The following WWC1 variants were observed in gnomAD, a reference collection of about 807,000 sequenced individuals.
WWC1 encodes WW and C2 domain containing 1, also known as protein KIBRA.
Under a neutral mutation model 138.4 loss-of-function variants are expected in WWC1, and 55 were observed. The ratio of observed to expected loss-of-function variants is 0.40; its 90% confidence interval spans 0.32 to 0.50. The LOEUF is 0.50. Among genes scored for constraint, WWC1 ranks in the 20% least tolerant of loss-of-function variants. The pLI is 0.72. For synonymous variants in WWC1, 524 were observed against 564.9 expected, an observed-to-expected ratio of 0.93 and a Z score of 1.03; for missense variants, 1,226 against 1,420.4, an observed-to-expected ratio of 0.86 and a Z score of 2.20.
intron 1 of WWC1, among the ~76,000 whole-genome samples, chr5:168,360,777 T>C (rs1253973651): frequency 6.6e-6 from 1 of 152,188 alleles, no homozygotes; most frequent in African/African-American, 2.4e-5. Context: ...CTCAGAAAAG[T>C]CTTCACGGTC....
At position 168,406,202 on chromosome 5, in the gene WWC1, G is replaced by T. The variant is rs752471215; in HGVS notation, c.595G>T (p.Asp199Tyr). 2 of 1,613,658 alleles carry T rather than the reference G, an allele frequency of 1.2e-6. No homozygotes were observed. Among genetic ancestry groups the T allele is most frequent in the Admixed American group, 1.7e-5 (1 of 59,998 alleles). ...TTCCCATTAACTGTCTCCTAGAATC[G>T]ATAAGAAAATGTCTGATGCTCAGGG... is the stretch of plus-strand genomic sequence containing the variant. ...ERGFQTLKKI[D>Y]KKMSDAQGSY... is the part of the protein sequence containing the mutation. Residue 199 changes from aspartate (D) to tyrosine (Y), a missense_variant, in exon 6 of 23, where the codon GAT (aspartate) becomes TAT (tyrosine). Around this residue, in one of 3 missense-constraint regions of WWC1, gnomAD observed 1,016 missense variants for 1,153.9 expected, o/e 0.88. Transcript: ENST00000265293.
At chr5:168,419,185 C>T (rs1053439517) in intron 9 of WWC1, among the ~76,000 whole-genome samples, 4 of 152,130 alleles carry the variant, frequency 2.6e-5, no homozygotes, top group African/African-American at 4.8e-5. Context: ...TCTCCCAGGC[C>T]CCAGGCTGGG....
At chr5:168,417,200 T>C (rs1780725105) in intron 9 of WWC1, among the ~76,000 whole-genome samples, 1 of 151,180 alleles carries the variant, frequency 6.6e-6, no homozygotes, top group Non-Finnish European at 1.5e-5. Flanking sequence ...CATTTAAGAA[T>C]TTGATGTACA....
At chr5:168,453,874 A>G in intron 17 of WWC1, 94 bp from the exon 18 acceptor site, 1 of 1,564,816 alleles carries the variant, frequency 6.4e-7, no homozygotes, top group Non-Finnish European at 8.6e-7. Flanking sequence ...CAATCATCAA[A>G]AGGATTGGAA....
Position 168,464,602 on chromosome 5 carries a change from A to G in WWC1, c.2917-127A>G. On this transcript the variant is annotated intron_variant, in intron 20 of 22. Transcript: ENST00000265293. ...AGAATTCAAAACAGGCTTCCCAGGG[A>G]AGGGCAAGCCCCATTCGGAAGGAGT... The G allele has an allele frequency of 4.9e-6, 7 of 1,434,258 alleles. No homozygotes were observed. In the Middle Eastern group the frequency reaches 5.5e-4, roughly 112 times the overall value. 88.8% of individuals were successfully genotyped at this position (1,434,258 alleles called of 1,614,324 possible). A position where few individuals can be genotyped will look rare whatever the true frequency, so the allele number is the denominator to read the frequency against.
intron 16 of WWC1, among the ~76,000 whole-genome samples, 192 bp downstream of exon 16, chr5:168,442,026 C>T (rs7723552): frequency 0.67 from 101,356 of 152,150 alleles, 36,056 homozygotes; most frequent in East Asian, 0.99. Context: ...CAACTTGTTC[C>T]CTTCCACATC....
chr5:168,405,884 G>T (rs1288080610), intron 5 of WWC1, among the ~76,000 whole-genome samples: 1 of 151,990 alleles, frequency 6.6e-6, no homozygotes, highest in Non-Finnish European at 1.5e-5. Context: ...GTGCCACCAT[G>T]CCCAGCTGAT....
At chr5:168,342,844 G>A (rs578170854) in intron 1 of WWC1, among the ~76,000 whole-genome samples, 5 of 152,258 alleles carry the variant, frequency 3.3e-5, no homozygotes, top group Non-Finnish European at 5.9e-5. Flanking sequence ...TACTGTGGAC[G>A]GATTGAGAGC....
At chr5:168,416,703 C>G (rs1377645975) in intron 9 of WWC1, among the ~76,000 whole-genome samples, 2 of 152,180 alleles carry the variant, frequency 1.3e-5, no homozygotes, top group Non-Finnish European at 2.9e-5. Flanking sequence ...TTCTCACTTG[C>G]TGACCTTGAG....
At position 168,408,621 on chromosome 5, in the gene WWC1, G is replaced by A. The variant is rs1417524830; in HGVS notation, c.835G>A (p.Asp279Asn). 5.0e-6 allele frequency: 8 copies of A among 1,614,190 alleles called. No homozygotes were observed. The East Asian group carries it at 1.8e-4, about 36-fold the overall frequency. Residue 279 changes from aspartate to asparagine, a missense_variant, in exon 7 of 23, where the codon GAT (aspartate) becomes AAT (asparagine). Coordinates refer to ENST00000265293, the MANE Select transcript of WWC1 (RefSeq NM_015238.3). ...TTTCCCGCTACCGAAACAGTACCTG[G>A]ATGTGAGCTCCCAGACAGACATCTC... is the stretch of plus-strand genomic sequence containing the variant. ...SSFPLPKQYL[D>N]VSSQTDISGS...
intron 1 of WWC1, among the ~76,000 whole-genome samples, chr5:168,325,527 C>T (rs1772458829): frequency 6.6e-6 from 1 of 152,062 alleles, no homozygotes; most frequent in African/African-American, 2.4e-5. Context: ...TGAAAAGTTG[C>T]CTGGAAGAGG....
chr5:168,312,752 TGTG>T (rs1419911374), intron 1 of WWC1, among the ~76,000 whole-genome samples: 1 of 151,862 alleles, frequency 6.6e-6, no homozygotes, highest in Non-Finnish European at 1.5e-5. Flanking sequence ...TCAGGGGTCA[TGTG>T]GTGCCAACCG....
At chr5:168,446,464 G>T (rs1755277393) in intron 17 of WWC1, among the ~76,000 whole-genome samples, 1 of 152,112 alleles carries the variant, frequency 6.6e-6, no homozygotes, top group Non-Finnish European at 1.5e-5. Flanking sequence ...TTGAAACTTG[G>T]ATTTTTCATG....
intron 1 of WWC1, among the ~76,000 whole-genome samples, chr5:168,315,108 G>T (rs901729421): frequency 3.1e-4 from 47 of 152,052 alleles, no homozygotes; most frequent in Non-Finnish European, 5.0e-4. Flanking sequence ...TCATTAGTGA[G>T]CTGTCCAAAG....
intron 1 of WWC1, among the ~76,000 whole-genome samples, chr5:168,329,967 G>A (rs546615318): frequency 3.9e-5 from 6 of 152,134 alleles, no homozygotes; most frequent in Non-Finnish European, 7.4e-5. Flanking sequence ...AAAATTAGCC[G>A]GGCGTGGTGG....
intron 2 of WWC1, among the ~76,000 whole-genome samples, chr5:168,381,920 TG>T (rs1299141769): frequency 6.6e-6 from 1 of 151,910 alleles, no homozygotes; most frequent in African/African-American, 2.4e-5. Flanking sequence ...AGAAATTACC[TG>T]CCTTTGGAAG....
In WWC1 at chr5:168,422,205, A is replaced by G. The variant is rs1391539541; in HGVS notation, c.1274+108A>G. On this transcript the variant is annotated intron_variant, in intron 10 of 22. Transcript: ENST00000265293. Reference sequence around the variant, plus strand: ...CTTCACTTGTCCTCCGTGGCTTGAGAGTGGATGTTTAGAAGCATAGCAAAT... The same window carrying G: ...CTTCACTTGTCCTCCGTGGCTTGAGGGTGGATGTTTAGAAGCATAGCAAAT... The G allele has an allele frequency of 9.9e-6, 11 of 1,114,010 alleles. No individual in the cohort carries two copies. In the African/African-American group the frequency reaches 1.1e-4, roughly 11 times the overall value. The allele number at this position is 1,114,010 out of a possible 1,614,324, so 69.0% of individuals were successfully genotyped here.
In WWC1 at chr5:168,292,629, C is replaced by G. The variant is rs1267247201; in HGVS notation, c.119+358C>G. Among the ~76,000 whole-genome samples the G allele has an allele frequency of 6.6e-6, 1 of 152,054 alleles. No individual in the cohort carries two copies. Among genetic ancestry groups the G allele is most frequent in the Non-Finnish European group, 1.5e-5 (1 of 67,988 alleles). On this transcript the variant is annotated intron_variant, in intron 1 of 22. Coordinates refer to ENST00000265293, the MANE Select transcript of WWC1 (RefSeq NM_015238.3). The surrounding 1 kb of genome is among the most constrained non-coding windows in gnomAD (Gnocchi z 4.4). The stretch of plus-strand genomic sequence containing the variant: ...GGCGGGGGTTGGGGGAGCGACCTAG[C>G]CGGGTGAAGCCGGGTCTTCCCGGGG...
chr5:168,344,674 T>G (rs1774324150), intron 1 of WWC1, among the ~76,000 whole-genome samples: 2 of 152,240 alleles, frequency 1.3e-5, no homozygotes, highest in African/African-American at 4.8e-5. Flanking sequence ...TGCTCAAGCC[T>G]TAGCATTGCG....
Sources: gnomAD v4.1 joint callset for allele counts (sites outside exome capture counted in the v4.1 genomes callset) on GRCh38, gnomAD v4.1.1 for gene constraint, gnomAD v4.1.1 regional missense constraint, Gnocchi (gnomAD v3.1) non-coding constraint, MANE v1.5 for transcripts, NCBI Gene and HGNC (gene_info 2026-07-23, HGNC 2026-07-21) for gene names.